The following ERC1 variants were observed in gnomAD, a reference collection of about 807,000 sequenced individuals.
The protein encoded by ERC1 is RAB6 interacting protein 2.
A neutral mutation model predicts 132.0 loss-of-function variants in ERC1; 56 were observed. The ratio of observed to expected loss-of-function variants is 0.42; its 90% CI spans 0.34 to 0.53. ERC1 has a LOEUF of 0.53. Among genes scored for constraint, ERC1 ranks in the 20% least tolerant of loss-of-function variants. The pLI is 0.03. For missense variants in ERC1, 1,202 were observed against 1,349.9 expected (o/e 0.89, Z 1.72); for synonymous variants, 478 against 476.1 (o/e 1.00, Z -0.05).
At chr12:1,323,046 A>G (rs904056761) in intron 15 of ERC1, among the ~76,000 whole-genome samples, 2 of 152,178 alleles carry the variant, frequency 1.3e-5, no homozygotes, top group African/African-American at 4.8e-5. Flanking sequence ...TTTCCTCACT[A>G]TGATGGGAAA....
At chr12:1,369,818 TCTCTC>T (rs1420889406) in intron 15 of ERC1, among the ~76,000 whole-genome samples, 5 of 152,210 alleles carry the variant, frequency 3.3e-5, no homozygotes, top group African/African-American at 1.2e-4. Flanking sequence ...ATGAGAATCT[TCTCTC>T]CTCTTCCAGC....
intron 8 of ERC1, among the ~76,000 whole-genome samples, chr12:1,175,727 G>A (rs1002681689): frequency 6.6e-6 from 1 of 151,952 alleles, no homozygotes; most frequent in East Asian, 1.9e-4. Flanking sequence ...TAGAGACAGC[G>A]TTTCTCCATG....
chr12:1,408,432 G>C (rs562447111), intron 17 of ERC1, among the ~76,000 whole-genome samples, 185 bp downstream of exon 17: 8 of 119,734 alleles, frequency 6.7e-5, no homozygotes, highest in African/African-American at 4.0e-4. Context: ...AGGAAGAACT[G>C]GATATTTTAA....
chr12:1,449,573 C>G (rs1162621846), intron 18 of ERC1, among the ~76,000 whole-genome samples: 1 of 152,106 alleles, frequency 6.6e-6, no homozygotes, highest in East Asian at 1.9e-4. Context: ...TTGTAAGTTT[C>G]CTGAGGCCTC....
intron 17 of ERC1, among the ~76,000 whole-genome samples, chr12:1,440,382 A>ATT (rs1365449717): frequency 6.8e-6 from 1 of 147,662 alleles, no homozygotes; most frequent in East Asian, 2.0e-4. Flanking sequence ...TTTTTTTTGT[A>ATT]TTTTTAGTAG....
chr12:1,008,496 C>T (rs1474826413), intron 1 of ERC1, among the ~76,000 whole-genome samples: 2 of 151,916 alleles, frequency 1.3e-5, no homozygotes, highest in East Asian at 1.9e-4. Context: ...AGGCTGGTCT[C>T]GAACTCCTGG....
chr12:1,112,738 A>C (rs1946028442), intron 6 of ERC1, among the ~76,000 whole-genome samples: 1 of 152,208 alleles, frequency 6.6e-6, no homozygotes, highest in South Asian at 2.1e-4. Context: ...ATTATCTTTA[A>C]GTCTCCAGTG....
rs79139127 is a variant in ERC1, at chr12:1,242,588, T to G, written c.2487+5684T>G. On this transcript the variant is annotated intron_variant, in intron 13 of 18. Transcript: ENST00000360905. ...ACCTATAAAATAACCTTTCTTCTTA[T>G]GAAAACGGAGTCAAATTCCTTACAG... 6.4e-4 allele frequency among the ~76,000 whole-genome samples: 98 copies of G among 152,174 alleles called. 1 individual carries two copies. The highest frequency in any genetic ancestry group is 7.2e-4 in the Non-Finnish European group (49 of 68,014).
chr12:1,112,200 A>G lies in ERC1; in HGVS notation c.1318-15A>G. The G allele has an allele frequency of 6.3e-7, 1 of 1,586,288 alleles. No homozygotes were observed. The highest frequency in any genetic ancestry group is 8.7e-7 in the Non-Finnish European group (1 of 1,155,476). ...GTTGACACATAAGTGAAAAAGAATA[A>G]TAATGTCGTGACAGGTAGAACAACT... On this transcript the variant is annotated splice_polypyrimidine_tract_variant and intron_variant, in intron 5 of 18. Transcript: ENST00000360905.
intron 17 of ERC1, among the ~76,000 whole-genome samples, chr12:1,409,377 TTCC>T (rs771409934): frequency 2.6e-5 from 4 of 152,176 alleles, no homozygotes; most frequent in African/African-American, 4.8e-5. Context: ...GCATGTTTGA[TTCC>T]TCATGAAAAC....
chr12:1,256,367 G>C lies in ERC1; in HGVS notation c.2488-6667G>C, dbSNP rs996288981. On this transcript the variant is annotated intron_variant, in intron 13 of 18. Transcript: ENST00000360905. ...TCATGAGGAAACAGGAGTTTAAAGA[G>C]GGTCTTTATTCAGTGGGGGCCAATA... 8.7e-5 allele frequency among the ~76,000 whole-genome samples: 13 copies of C among 149,538 alleles called. 1 individual carries two copies. Among genetic ancestry groups the C allele is most frequent in the African/African-American group, 3.2e-4 (13 of 40,584 alleles).
intron 15 of ERC1, among the ~76,000 whole-genome samples, chr12:1,319,781 C>T (rs540497617): frequency 3.3e-5 from 5 of 152,160 alleles, no homozygotes; most frequent in Admixed American, 2.0e-4. Context: ...TTGTTTTGGA[C>T]CATCACAAAA....
At chr12:1,346,097 A>C (rs1359810400) in intron 15 of ERC1, among the ~76,000 whole-genome samples, 2 of 152,090 alleles carry the variant, frequency 1.3e-5, no homozygotes, top group Non-Finnish European at 2.9e-5. Flanking sequence ...AAATGTGAGG[A>C]GCTAGGACTA....
chr12:1,102,189 A>G (rs531819716), intron 3 of ERC1, among the ~76,000 whole-genome samples: 2 of 152,236 alleles, frequency 1.3e-5, no homozygotes, highest in East Asian at 3.9e-4. Flanking sequence ...GACAATAACT[A>G]TTAGGTTTAG....
chr12:1,436,164 A>ACG (rs2092943782), intron 17 of ERC1, among the ~76,000 whole-genome samples: 1 of 151,972 alleles, frequency 6.6e-6, no homozygotes, highest in African/African-American at 2.4e-5. Flanking sequence ...GGACACACAC[A>ACG]CACACACACA....
intron 16 of ERC1, among the ~76,000 whole-genome samples, chr12:1,398,142 T>TC (rs1471948904): frequency 6.6e-6 from 1 of 151,862 alleles, no homozygotes; most frequent in Non-Finnish European, 1.5e-5. Context: ...TGCCACCGTG[T>TC]CTGGCTAGTT....
rs149349227 is a variant in ERC1, at chr12:1,277,983, G to A, written c.2620-11869G>A. 1.8e-3 allele frequency among the ~76,000 whole-genome samples: 267 copies of A among 152,258 alleles called. 1 individual carries two copies. The highest frequency in any genetic ancestry group is 7.2e-4 in the Non-Finnish European group (49 of 68,020). On this transcript the variant is annotated intron_variant, in intron 14 of 18. Transcript: ENST00000360905. ...CTCGTAGGTTTCACTGTAGACTCTCGCTCTGCTGTCAAGGAGTTTGAATCC... is the reference window on the plus strand; with the variant it reads ...CTCGTAGGTTTCACTGTAGACTCTCACTCTGCTGTCAAGGAGTTTGAATCC...
chr12:1,136,416 A>G (rs1029521346), intron 7 of ERC1, among the ~76,000 whole-genome samples: 2 of 152,186 alleles, frequency 1.3e-5, no homozygotes, highest in African/African-American at 4.8e-5. Flanking sequence ...CTTTTAGAAA[A>G]TATTCTCTAC....
At chr12:1,295,740 C>T (rs751399895) in intron 15 of ERC1, among the ~76,000 whole-genome samples, 2 of 151,810 alleles carry the variant, frequency 1.3e-5, no homozygotes, top group Non-Finnish European at 2.9e-5. Context: ...ATAGAGAAGC[C>T]TGGGAAATAT....
Sources: allele counts gnomAD v4.1 joint callset (sites outside exome capture counted in the v4.1 genomes callset), GRCh38; gene constraint gnomAD v4.1.1; transcripts MANE v1.5; gene names NCBI Gene and HGNC (gene_info 2026-07-23, HGNC 2026-07-21).